SND1: variants seen among roughly 807,000 people sequenced by gnomAD.
SND1 encodes the protein staphylococcal nuclease and tudor domain containing 1.
In SND1, 38 loss-of-function variants were observed where a neutral mutation model predicts 121.7. The ratio of observed to expected loss-of-function variants is 0.31; its 90% CI spans 0.24 to 0.41. SND1 has a LOEUF of 0.41. Ranked by LOEUF, SND1 falls within the 10% of genes least tolerant of loss-of-function variation. The probability of loss-of-function intolerance (pLI) is 1.00; values close to 1 mark genes in which losing one functional copy is unlikely to be tolerated. For synonymous variants in SND1, 401 were observed against 447.4 expected (o/e 0.90, Z 1.31); for missense variants, 868 against 1,184.6 (o/e 0.73, Z 3.92).
At chr7:127,782,725 G>A (rs914456161) in intron 10 of SND1, among the ~76,000 whole-genome samples, 2 of 152,190 alleles carry the variant, frequency 1.3e-5, no homozygotes, top group Non-Finnish European at 2.9e-5. Flanking sequence ...ACCTCTGTGT[G>A]TGATTGTGGG....
rs1462932314 is a variant in SND1, at chr7:127,951,378, T to C, written c.1669+22049T>C. On this transcript the variant is annotated intron_variant, in intron 15 of 23. Transcript: ENST00000354725. Reference sequence around the variant, plus strand: ...GAGGTAACTAAAATAGTGACACTCATAGAAACAGAGAATAGAGTGAATGGT... The same window carrying C: ...GAGGTAACTAAAATAGTGACACTCACAGAAACAGAGAATAGAGTGAATGGT... Among the ~76,000 whole-genome samples, 5 of 152,258 alleles carry C rather than the reference T, an allele frequency of 3.3e-5. No individual in the cohort carries two copies. In the East Asian group the frequency reaches 9.7e-4, roughly 29 times the overall value.
chr7:127,854,703 A>G (rs1445457530), intron 12 of SND1, among the ~76,000 whole-genome samples: 4 of 151,976 alleles, frequency 2.6e-5, no homozygotes, highest in African/African-American at 9.7e-5. Context: ...GGCATTTGAC[A>G]TGGTTACCAA....
intron 11 of SND1, among the ~76,000 whole-genome samples, chr7:127,832,845 C>G (rs1289387795): frequency 1.3e-5 from 2 of 152,220 alleles, no homozygotes; most frequent in South Asian, 4.1e-4. Context: ...CCTGTCAGAT[C>G]AGCAGCAGCA....
At chr7:127,710,015 TC>T (rs1159780794) in intron 9 of SND1, among the ~76,000 whole-genome samples, 2 of 151,942 alleles carry the variant, frequency 1.3e-5, no homozygotes, top group Non-Finnish European at 2.9e-5. Flanking sequence ...ACAAAGTTGA[TC>T]ATAGTGTCTG....
intron 12 of SND1, among the ~76,000 whole-genome samples, chr7:127,846,697 A>G (rs1426051609): frequency 6.6e-6 from 1 of 152,142 alleles, no homozygotes; most frequent in East Asian, 1.9e-4. Flanking sequence ...TTTTTATCTA[A>G]TCAGTACTGT....
chr7:127,974,498 G>A (rs1217496998), intron 15 of SND1, among the ~76,000 whole-genome samples: 6 of 152,108 alleles, frequency 3.9e-5, no homozygotes, highest in Non-Finnish European at 8.8e-5. Context: ...CACTACCTCG[G>A]GAGCCATTTG....
chr7:127,758,756 G>A (rs910887992), intron 10 of SND1, among the ~76,000 whole-genome samples: 2 of 152,122 alleles, frequency 1.3e-5, no homozygotes, highest in Non-Finnish European at 2.9e-5. Flanking sequence ...ATTTGTGTCA[G>A]ATTTTTAAAG....
chr7:128,029,339 G>T lies in SND1; in HGVS notation c.1779+38283G>T, dbSNP rs762817576. 1.9e-6 allele frequency: 3 copies of T among 1,614,190 alleles called. No individual in the cohort carries two copies. Among genetic ancestry groups the T allele is most frequent in the Non-Finnish European group, 2.5e-6 (3 of 1,180,032 alleles). Reference sequence around the variant, plus strand: ...TGCTCACATTGAGGTAGGCCGAGGCGTTGGAGTTGCCTGCAACATTGGTCA... The same window carrying T: ...TGCTCACATTGAGGTAGGCCGAGGCTTTGGAGTTGCCTGCAACATTGGTCA... On this transcript the variant is annotated intron_variant, in intron 16 of 23. Coordinates refer to ENST00000354725, the MANE Select transcript of SND1 (RefSeq NM_014390.4). The surrounding 1 kb of genome is among the most constrained non-coding windows in gnomAD (Gnocchi z 4.2).
chr7:127,778,213 T>C (rs201151973), intron 10 of SND1, among the ~76,000 whole-genome samples: 1 of 88,936 alleles, frequency 1.1e-5, no homozygotes, highest in African/African-American at 5.5e-5. Context: ...TTATTTATTT[T>C]GAGACGGAGT....
intron 15 of SND1, among the ~76,000 whole-genome samples, chr7:127,951,038 C>G (rs920667533): frequency 6.6e-6 from 1 of 152,092 alleles, no homozygotes; most frequent in African/African-American, 2.4e-5. Flanking sequence ...AATATAATTA[C>G]CATAGGATCC....
chr7:127,956,711 G>C (rs1339365329), intron 15 of SND1, among the ~76,000 whole-genome samples: 1 of 152,224 alleles, frequency 6.6e-6, no homozygotes, highest in African/African-American at 2.4e-5. Context: ...TCCCAGGCCT[G>C]AGTGCTATGG....
At chr7:127,666,809 G>A (rs945433634) in intron 1 of SND1, among the ~76,000 whole-genome samples, 2 of 152,074 alleles carry the variant, frequency 1.3e-5, no homozygotes, top group African/African-American at 2.4e-5. Flanking sequence ...GACAGAGGGC[G>A]GGAAGGGCCT....
intron 16 of SND1, chr7:128,031,960 C>T (rs1257482357): frequency 6.6e-6 from 1 of 151,368 alleles, no homozygotes; most frequent in African/African-American, 2.4e-5. Context: ...GAACATAGTC[C>T]CCGCTGGCTA....
At chr7:127,837,950 A>G (rs1018666948) in intron 11 of SND1, among the ~76,000 whole-genome samples, 1 of 152,342 alleles carries the variant, frequency 6.6e-6, no homozygotes, top group South Asian at 2.1e-4. Context: ...GTGAGAGCAC[A>G]CTTCAACAAG....
At chr7:128,076,540 G>A (rs1207332960) in intron 17 of SND1, among the ~76,000 whole-genome samples, 1 of 152,180 alleles carries the variant, frequency 6.6e-6, no homozygotes, top group Non-Finnish European at 1.5e-5. Flanking sequence ...GAGCTTTGTA[G>A]CAGCTCTAAG....
At chr7:127,740,998 G>A (rs193240299) in intron 10 of SND1, among the ~76,000 whole-genome samples, 4 of 152,124 alleles carry the variant, frequency 2.6e-5, no homozygotes, top group East Asian at 1.9e-4. Context: ...TTTCTTTAAC[G>A]ATGAGTTTAA....
chr7:127,696,696 GC>G (rs1796011586), intron 3 of SND1, among the ~76,000 whole-genome samples: 1 of 152,162 alleles, frequency 6.6e-6, no homozygotes, highest in Non-Finnish European at 1.5e-5. Flanking sequence ...TTGGTCTTCA[GC>G]CAAAATGGCC....
At chr7:127,715,355 G>A (rs532524207) in intron 9 of SND1, among the ~76,000 whole-genome samples, 2 of 152,072 alleles carry the variant, frequency 1.3e-5, no homozygotes, top group South Asian at 2.1e-4. Flanking sequence ...TTTTAGATTC[G>A]GGGATACATA....
intron 1 of SND1, among the ~76,000 whole-genome samples, chr7:127,671,359 T>C (rs1245141865): frequency 1.3e-5 from 2 of 152,254 alleles, no homozygotes; most frequent in East Asian, 3.8e-4. Flanking sequence ...TCATTATTCA[T>C]TCACAGTAGT....
Sources: allele counts gnomAD v4.1 joint callset (sites outside exome capture counted in the v4.1 genomes callset), GRCh38; gene constraint gnomAD v4.1.1; non-coding constraint Gnocchi (gnomAD v3.1); transcripts MANE v1.5; gene names NCBI Gene and HGNC (gene_info 2026-07-23, HGNC 2026-07-21).